The following ADAM23 variants were observed in gnomAD, a reference collection of about 807,000 sequenced individuals.
The protein encoded by ADAM23 is ADAM metallopeptidase domain 23, also known as disintegrin and metalloproteinase domain-containing protein 23.
In ADAM23, 33 loss-of-function variants were observed where a neutral mutation model predicts 120.1. The ratio of observed to expected loss-of-function variants is 0.27; its 90% CI spans 0.21 to 0.37. The LOEUF (loss-of-function observed/expected upper bound fraction) is 0.37, where lower values mean the gene tolerates loss of function less well. Ranked by LOEUF, ADAM23 falls within the 10% of genes least tolerant of loss-of-function variation. ADAM23 has a pLI of 1.00. For missense variants in ADAM23, 862 were observed against 1,058.2 expected (o/e 0.81, Z 2.57); for synonymous variants, 367 against 375.2 (o/e 0.98, Z 0.25).
chr2:206,587,699 G>GA (rs1553563351), intron 19 of ADAM23, among the ~76,000 whole-genome samples: 6 of 151,952 alleles, frequency 3.9e-5, no homozygotes, highest in Non-Finnish European at 8.8e-5. Flanking sequence ...TCTGTCATGA[G>GA]TTTTTTTTCC....
intron 2 of ADAM23, among the ~76,000 whole-genome samples, chr2:206,449,696 G>A (rs1695152219): frequency 6.6e-6 from 1 of 152,218 alleles, no homozygotes; most frequent in Non-Finnish European, 1.5e-5. Context: ...CTTGATCCCG[G>A]GAGGCGGAGG....
chr2:206,533,649 T>G (rs1697116745), intron 4 of ADAM23, among the ~76,000 whole-genome samples: 1 of 152,200 alleles, frequency 6.6e-6, no homozygotes, highest in South Asian at 2.1e-4. Context: ...TCCCAGGAAT[T>G]AGTTGCAACC....
At chr2:206,562,354 C>A in intron 13 of ADAM23, 61 bp downstream of exon 13, 4 of 1,167,154 alleles carry the variant, frequency 3.4e-6, no homozygotes, top group South Asian at 1.4e-5. Flanking sequence ...AATGCATGTC[C>A]AGTCAATAAA....
chr2:206,443,740 C>T lies in ADAM23; in HGVS notation c.-127C>T. 1 of 344,534 alleles carries T rather than the reference C, an allele frequency of 2.9e-6. No homozygotes were observed. The highest frequency in any genetic ancestry group is 4.1e-6 in the Non-Finnish European group (1 of 245,992). The allele number at this position is 344,534 out of a possible 1,614,324, so 21.3% of individuals were successfully genotyped here. On this transcript the variant is annotated 5_prime_UTR_variant, in exon 1 of 26. Coordinates refer to ENST00000264377, the MANE Select transcript of ADAM23 (RefSeq NM_003812.4). ...AGCCCCGCGCCCCGTGCCCCGAGCC[C>T]GGAGCCCCCTGCCCGCCGCGGCACC...
chr2:206,451,851 A>G (rs1160961651), intron 2 of ADAM23, among the ~76,000 whole-genome samples: 2 of 152,208 alleles, frequency 1.3e-5, no homozygotes, highest in African/African-American at 2.4e-5. Context: ...TCAAGAGATG[A>G]GCGCATATTG....
At chr2:206,549,158 G>T (rs1697461477) in intron 8 of ADAM23, among the ~76,000 whole-genome samples, 1 of 151,532 alleles carries the variant, frequency 6.6e-6, no homozygotes, top group Non-Finnish European at 1.5e-5. Flanking sequence ...GTTTTGCTGA[G>T]TGTATTTTTT....
chr2:206,606,809 G>A (rs558332333), intron 24 of ADAM23: 1 of 152,114 alleles, frequency 6.6e-6, no homozygotes, highest in East Asian at 1.9e-4. Context: ...TTTAAGAATG[G>A]CAGACATAAC....
chr2:206,470,088 C>T (rs1200216666), intron 2 of ADAM23, among the ~76,000 whole-genome samples: 1 of 151,952 alleles, frequency 6.6e-6, no homozygotes, highest in Admixed American at 6.6e-5. Flanking sequence ...AAACACACAC[C>T]CTAAAATGTA....
At chr2:206,589,957 A>G (rs538249331) in intron 21 of ADAM23, among the ~76,000 whole-genome samples, 17 of 152,210 alleles carry the variant, frequency 1.1e-4, no homozygotes, top group Non-Finnish European at 2.1e-4. Flanking sequence ...TCACAAGTGT[A>G]GTAACATTTG....
intron 3 of ADAM23, among the ~76,000 whole-genome samples, chr2:206,499,929 C>T (rs962024723): frequency 3.4e-4 from 51 of 152,028 alleles, no homozygotes; most frequent in African/African-American, 1.1e-3. Context: ...TTCAGGTTGG[C>T]GGATTAAAGG....
intron 3 of ADAM23, among the ~76,000 whole-genome samples, chr2:206,507,382 T>A (rs781663742): frequency 6.6e-5 from 10 of 152,074 alleles, no homozygotes; most frequent in Non-Finnish European, 1.3e-4. Flanking sequence ...TCTAATGAAA[T>A]CTGGTTGTTT....
chr2:206,446,679 G>A (rs921208173), intron 2 of ADAM23, among the ~76,000 whole-genome samples: 1 of 152,010 alleles, frequency 6.6e-6, no homozygotes, highest in African/African-American at 2.4e-5. Flanking sequence ...CTGAGAAAGT[G>A]CTTTCTTCAC....
chr2:206,483,289 C>T (rs907651515), intron 3 of ADAM23, among the ~76,000 whole-genome samples: 7 of 151,876 alleles, frequency 4.6e-5, no homozygotes, highest in African/African-American at 1.7e-4. Flanking sequence ...ATGGGCAGTA[C>T]CAGGGAACAA....
intron 22 of ADAM23, among the ~76,000 whole-genome samples, chr2:206,593,192 T>C (rs936766236): frequency 3.4e-4 from 52 of 152,220 alleles, no homozygotes; most frequent in African/African-American, 1.2e-3. Flanking sequence ...ATTAAAATAG[T>C]ATGTATACCG....
At chr2:206,571,698 C>T (rs371205365) in intron 16 of ADAM23, 29 bp from the exon 17 acceptor site, 63 of 1,562,870 alleles carry the variant, frequency 4.0e-5, no homozygotes, top group African/African-American at 3.9e-4. Context: ...TAAGGCTCTT[C>T]GCTTACTCAC....
chr2:206,465,329 T>G (rs1156754949), intron 2 of ADAM23, among the ~76,000 whole-genome samples: 1 of 152,204 alleles, frequency 6.6e-6, no homozygotes, highest in Non-Finnish European at 1.5e-5. Flanking sequence ...TGTGAGCCAC[T>G]GCATCTGGCC....
intron 2 of ADAM23, among the ~76,000 whole-genome samples, chr2:206,455,827 A>G (rs1363629301): frequency 1.3e-5 from 2 of 152,230 alleles, no homozygotes; most frequent in East Asian, 1.9e-4. Context: ...TAAGTTCCTC[A>G]TTTCCATTTC....
At chr2:206,591,308 G>A (rs1698421165) in intron 21 of ADAM23, among the ~76,000 whole-genome samples, 1 of 152,112 alleles carries the variant, frequency 6.6e-6, no homozygotes, top group Non-Finnish European at 1.5e-5. Flanking sequence ...CCCAGAAATA[G>A]TGCAGATACC....
intron 3 of ADAM23, among the ~76,000 whole-genome samples, chr2:206,505,513 C>T (rs1401677303): frequency 2.0e-5 from 3 of 152,082 alleles, no homozygotes; most frequent in Non-Finnish European, 4.4e-5. Context: ...AGGAAACTTA[C>T]AGTCATAGCG....
Sources: allele counts gnomAD v4.1 joint callset (sites outside exome capture counted in the v4.1 genomes callset), GRCh38; gene constraint gnomAD v4.1.1; transcripts MANE v1.5; gene names NCBI Gene and HGNC (gene_info 2026-07-23, HGNC 2026-07-21).